Variants in KCNMB2 observed in about 807,000 individuals in gnomAD.
KCNMB2 encodes the protein potassium calcium-activated channel subfamily M regulatory beta subunit 2.
Under a neutral mutation model 24.5 loss-of-function variants are expected in KCNMB2, and 9 were observed. That is an observed-to-expected ratio of 0.37 (90% CI 0.22 to 0.64). KCNMB2 has a LOEUF of 0.64. Among genes scored for constraint, KCNMB2 ranks in the 30% least tolerant of loss-of-function variants. The pLI, the probability that KCNMB2 is intolerant of heterozygous loss-of-function variation, is 0.63. For synonymous variants in KCNMB2, 109 were observed against 104.4 expected (o/e 1.04, Z -0.27); for missense variants, 226 against 284.3 (o/e 0.79, Z 1.47).
chr3:178,798,922 T>C (rs1224435402), intron 1 of KCNMB2, among the ~76,000 whole-genome samples: 2 of 151,388 alleles, frequency 1.3e-5, no homozygotes, highest in African/African-American at 2.4e-5. Context: ...AAATAAACAA[T>C]GTGATGTTGG....
At chr3:178,542,362 T>C (rs1715648312) in intron 1 of KCNMB2, among the ~76,000 whole-genome samples, 2 of 152,298 alleles carry the variant, frequency 1.3e-5, no homozygotes, top group East Asian at 3.9e-4. Flanking sequence ...CACTTTCCCA[T>C]TAGAGTAACT....
intron 1 of KCNMB2, among the ~76,000 whole-genome samples, chr3:178,669,927 GGAA>G (rs950787428): frequency 2.0e-5 from 3 of 152,016 alleles, no homozygotes; most frequent in African/African-American, 7.2e-5. Context: ...AAAGCAAGCA[GGAA>G]GTGGATATAC....
Position 178,752,990 on chromosome 3 carries a change from T to G in KCNMB2, c.-67-54353T>G, listed in dbSNP as rs536869120. ...CTATGGGCCCCAAGCATTAGGATAATAAAGCAAAGACTTCTTTTTTTCTAC... is the reference window on the plus strand; with the variant it reads ...CTATGGGCCCCAAGCATTAGGATAAGAAAGCAAAGACTTCTTTTTTTCTAC... On this transcript the variant is annotated intron_variant, in intron 1 of 4. Transcript: ENST00000452583. Among the ~76,000 whole-genome samples the G allele has an allele frequency of 1.8e-4, 27 of 152,302 alleles. No homozygotes were observed. The East Asian group carries it at 4.6e-3, about 26-fold the overall frequency.
chr3:178,677,447 C>T (rs1721109074), intron 1 of KCNMB2, among the ~76,000 whole-genome samples: 1 of 152,136 alleles, frequency 6.6e-6, no homozygotes, highest in Admixed American at 6.5e-5. Flanking sequence ...GTGGGAAGTC[C>T]CCACCTGACG....
chr3:178,593,141 C>T (rs1483920792), intron 1 of KCNMB2, among the ~76,000 whole-genome samples: 1 of 151,824 alleles, frequency 6.6e-6, no homozygotes, highest in Non-Finnish European at 1.5e-5. Flanking sequence ...GCTTGGAGGC[C>T]AGAGCAGTTT....
chr3:178,802,373 G>A (rs567436837), intron 1 of KCNMB2, among the ~76,000 whole-genome samples: 215 of 152,150 alleles, frequency 1.4e-3, no homozygotes, highest in African/African-American at 5.0e-3. Flanking sequence ...TCCCAAATGC[G>A]TAGCTCAGGG....
Position 178,589,914 on chromosome 3 carries a change from C to G in KCNMB2, c.-68+53203C>G, listed in dbSNP as rs375954428. Among the ~76,000 whole-genome samples the G allele has an allele frequency of 2.0e-5, 3 of 152,174 alleles. No homozygotes were observed. The East Asian group carries it at 5.8e-4, about 29-fold the overall frequency. ...GGTAAAAGTGAGATCTCAAAACTCT[C>G]TTTTGCAATCCCCTAAAGAAAGTCG... On this transcript the variant is annotated intron_variant, in intron 1 of 4. Transcript: ENST00000452583.
At chr3:178,601,136 T>C (rs1450726908) in intron 1 of KCNMB2, among the ~76,000 whole-genome samples, 1 of 145,944 alleles carries the variant, frequency 6.9e-6, no homozygotes, top group African/African-American at 2.6e-5. Context: ...AATGTGGGAG[T>C]TGAACAATGA....
chr3:178,830,683 C>T (rs1487051645), intron 4 of KCNMB2, among the ~76,000 whole-genome samples: 1 of 152,074 alleles, frequency 6.6e-6, no homozygotes, highest in African/African-American at 2.4e-5. Flanking sequence ...ATTCTGATGA[C>T]TAATGTTATC....
intron 1 of KCNMB2, among the ~76,000 whole-genome samples, chr3:178,547,356 G>A (rs1012343817): frequency 2.0e-5 from 3 of 152,198 alleles, no homozygotes; most frequent in Non-Finnish European, 2.9e-5. Flanking sequence ...ACTTCATAGA[G>A]TTGTTCATGG....
intron 1 of KCNMB2, among the ~76,000 whole-genome samples, chr3:178,759,646 T>TCTCTCTCCAAGAGGG: frequency 9.2e-6 from 1 of 109,238 alleles, no homozygotes; most frequent in African/African-American, 3.4e-5. Flanking sequence ...GATATATATA[T>TCTCTCTCCAAGAGGG]ATATATCTCC....
At chr3:178,669,382 GAGA>G (rs912092512) in intron 1 of KCNMB2, among the ~76,000 whole-genome samples, 7 of 152,106 alleles carry the variant, frequency 4.6e-5, no homozygotes, top group African/African-American at 1.4e-4. Flanking sequence ...GGAGAGAGGA[GAGA>G]AGGAGAGGAC....
At chr3:178,789,099 A>G (rs879798482) in intron 1 of KCNMB2, among the ~76,000 whole-genome samples, 4 of 152,216 alleles carry the variant, frequency 2.6e-5, no homozygotes, top group Non-Finnish European at 4.4e-5. Context: ...AAGATTAGGA[A>G]CCCAAAGCTG....
intron 1 of KCNMB2, among the ~76,000 whole-genome samples, chr3:178,756,257 C>CGT (rs889815366): frequency 2.0e-5 from 3 of 149,422 alleles, no homozygotes; most frequent in South Asian, 2.1e-4. Flanking sequence ...TGTGTGTATG[C>CGT]GTGTGTGTGT....
At chr3:178,621,170 C>T (rs1244299013) in intron 1 of KCNMB2, among the ~76,000 whole-genome samples, 1 of 152,114 alleles carries the variant, frequency 6.6e-6, no homozygotes. Flanking sequence ...AGGCCCAAAA[C>T]AATAGAGCCT....
intron 1 of KCNMB2, among the ~76,000 whole-genome samples, chr3:178,690,066 A>C (rs1721615669): frequency 6.6e-6 from 1 of 152,320 alleles, no homozygotes; most frequent in African/African-American, 2.4e-5. Flanking sequence ...GTGTTTTTAG[A>C]AATCAGGAAA....
chr3:178,568,098 GA>G (rs1289039918), intron 1 of KCNMB2, among the ~76,000 whole-genome samples: 3 of 152,168 alleles, frequency 2.0e-5, no homozygotes, highest in East Asian at 1.9e-4. Flanking sequence ...GTCATGTAAA[GA>G]GGTAATTTTT....
chr3:178,572,036 C>T (rs185416028), intron 1 of KCNMB2, among the ~76,000 whole-genome samples: 3 of 152,218 alleles, frequency 2.0e-5, no homozygotes, highest in African/African-American at 4.8e-5. Flanking sequence ...AATTACTGTA[C>T]AAGTGTAAGA....
At chr3:178,777,378 G>A (rs1159935262) in intron 1 of KCNMB2, among the ~76,000 whole-genome samples, 1 of 152,154 alleles carries the variant, frequency 6.6e-6, no homozygotes, top group Non-Finnish European at 1.5e-5. Flanking sequence ...AGGTTGCAGT[G>A]AGCTGAGATC....
Sources: gnomAD v4.1 joint callset for allele counts (sites outside exome capture counted in the v4.1 genomes callset) on GRCh38, gnomAD v4.1.1 for gene constraint, MANE v1.5 for transcripts, NCBI Gene and HGNC (gene_info 2026-07-23, HGNC 2026-07-21) for gene names.